PDZD2: variants seen among roughly 807,000 people sequenced by gnomAD.
PDZD2 encodes PDZ domain-containing protein 2.
Under a neutral mutation model 220.7 loss-of-function variants are expected in PDZD2, and 90 were observed. That is an observed-to-expected ratio of 0.41 (90% CI 0.34 to 0.49). The LOEUF is 0.49. PDZD2 is among the 20% of genes least tolerant of loss of function. The pLI is 0.28. For synonymous variants in PDZD2, 1,375 were observed against 1,450.5 expected (o/e 0.95, Z 1.18); for missense variants, 3,174 against 3,608.5 (o/e 0.88, Z 3.08).
intron 2 of PDZD2, among the ~76,000 whole-genome samples, chr5:31,803,177 A>T (rs777478932): frequency 7.9e-6 from 1 of 126,962 alleles, no homozygotes; most frequent in African/African-American, 2.7e-5. Context: ...AGCTCACTGC[A>T]GCCTTGAACT....
intron 2 of PDZD2, among the ~76,000 whole-genome samples, chr5:31,975,820 T>TA (rs1300814938): frequency 7.4e-6 from 1 of 134,730 alleles, no homozygotes. Flanking sequence ...TTTTTTTTTT[T>TA]TGAGACAAGG....
At chr5:31,830,168 CTTTT>C (rs11350706) in intron 2 of PDZD2, among the ~76,000 whole-genome samples, 1 of 135,038 alleles carries the variant, frequency 7.4e-6, no homozygotes. Context: ...AATCCAATGG[CTTTT>C]TTTTTTTTTT....
intron 2 of PDZD2, among the ~76,000 whole-genome samples, chr5:31,814,814 T>TA (rs953458681): frequency 6.8e-4 from 95 of 140,736 alleles, no homozygotes; most frequent in African/African-American, 7.6e-4. Flanking sequence ...AGACTCCATC[T>TA]AAAAAAAAAA....
rs1474740528 is a variant in PDZD2, at chr5:31,639,461, C to G, written c.-361+24C>G. ...AGGTGAAGCGACCGTCCCGCTGCAG[C>G]CGGGACGCGCGGCTCCGGGTGGGCA... On this transcript the variant is annotated intron_variant, in intron 1 of 24. Transcript: ENST00000438447. The surrounding 1 kb of genome is among the most constrained non-coding windows in gnomAD (Gnocchi z 4.1). 1 of 151,918 alleles carries G rather than the reference C, an allele frequency of 6.6e-6. No homozygotes were observed. The highest frequency in any genetic ancestry group is 1.5e-5 in the Non-Finnish European group (1 of 67,934). The allele number at this position is 151,918 out of a possible 1,614,324, so 9.4% of individuals were successfully genotyped here. A position where few individuals can be genotyped will look rare whatever the true frequency, so the allele number is the denominator to read the frequency against.
intron 6 of PDZD2, among the ~76,000 whole-genome samples, chr5:32,020,000 C>T (rs1043751175): frequency 6.6e-6 from 1 of 151,744 alleles, no homozygotes; most frequent in African/African-American, 2.4e-5. Context: ...GGGTTTATGT[C>T]TGTGGTCCAC....
At chr5:31,853,856 G>C (rs1019985202) in intron 2 of PDZD2, among the ~76,000 whole-genome samples, 2 of 152,098 alleles carry the variant, frequency 1.3e-5, no homozygotes, top group Non-Finnish European at 2.9e-5. Flanking sequence ...GAGGCCCAGG[G>C]CTTGAGTGAG....
In PDZD2 at chr5:31,783,866, G is replaced by T. The variant is rs186482673; in HGVS notation, c.-360-15023G>T. ...CCCGCTTCCAATTTCCTGGAGAAAG[G>T]CTTTGCTTAATGGATGAGAACCTGC... On this transcript the variant is annotated intron_variant, in intron 1 of 24. Coordinates refer to ENST00000438447, the MANE Select transcript of PDZD2 (RefSeq NM_178140.4). Among the ~76,000 whole-genome samples, 531 of 152,246 alleles carry T rather than the reference G, an allele frequency of 3.5e-3. 5 individuals are homozygous for T. The highest frequency in any genetic ancestry group is 0.011 in the African/African-American group (477 of 41,542).
intron 2 of PDZD2, among the ~76,000 whole-genome samples, chr5:31,977,654 G>T (rs1749905516): frequency 6.6e-6 from 1 of 152,176 alleles, no homozygotes; most frequent in African/African-American, 2.4e-5. Flanking sequence ...GACGTGATGT[G>T]TCCAGAATAG....
At chr5:32,004,203 A>G (rs1223925708) in intron 5 of PDZD2, among the ~76,000 whole-genome samples, 1 of 152,190 alleles carries the variant, frequency 6.6e-6, no homozygotes, top group African/African-American at 2.4e-5. Flanking sequence ...AGACACACCA[A>G]CTTAAAGGAA....
chr5:32,103,532 G>A (rs951640677), intron 24 of PDZD2: 4 of 152,176 alleles, frequency 2.6e-5, no homozygotes, highest in African/African-American at 7.2e-5. Flanking sequence ...TCAGAGTGGC[G>A]GCATCAATGC....
At chr5:31,918,600 C>G (rs772722605) in intron 2 of PDZD2, among the ~76,000 whole-genome samples, 5 of 152,172 alleles carry the variant, frequency 3.3e-5, no homozygotes, top group Admixed American at 6.5e-5. Flanking sequence ...GTTTAAGCTT[C>G]TCTTTTGATT....
In PDZD2 at chr5:32,098,388, G is replaced by T. The variant is rs1743935230; in HGVS notation, c.7972G>T (p.Ala2658Ser). The T allele has an allele frequency of 1.2e-6, 2 of 1,613,978 alleles. No individual in the cohort carries two copies. The highest frequency in any genetic ancestry group is 2.7e-5 in the African/African-American group (2 of 74,910). ...GGTCCACAGGGTGTTTTCTCAGGGG[G>T]CGGCTTCTCAGGAAGGGACTATGAA... ...ITVHRVFSQG[A>S]ASQEGTMNRG... Residue 2658 changes from alanine to serine, a missense_variant, in exon 23 of 25, where the codon GCG (alanine) becomes TCG (serine). Ala to Ser is a moderately conservative substitution (Grantham distance 99, BLOSUM62 1). Around this residue, in one of 4 missense-constraint regions of PDZD2, gnomAD observed 631 missense variants for 789.9 expected, o/e 0.80. Coordinates refer to ENST00000438447, the MANE Select transcript of PDZD2 (RefSeq NM_178140.4). This position sits in a 1 kb window ranked among gnomAD's most constrained non-coding sequence, Gnocchi z 4.1.
chr5:31,888,574 T>C (rs1249572255), intron 2 of PDZD2, among the ~76,000 whole-genome samples: 2 of 152,224 alleles, frequency 1.3e-5, no homozygotes, highest in Non-Finnish European at 2.9e-5. Flanking sequence ...GGTGTCTTTG[T>C]AGGCTTGGCT....
chr5:32,022,755 A>C (rs1198410891), intron 6 of PDZD2, among the ~76,000 whole-genome samples: 1 of 152,190 alleles, frequency 6.6e-6, no homozygotes, highest in South Asian at 2.1e-4. Context: ...AGAAATCCAC[A>C]AAGTCTATTG....
chr5:31,647,911 G>T (rs1201923567), intron 1 of PDZD2, among the ~76,000 whole-genome samples: 1 of 152,174 alleles, frequency 6.6e-6, no homozygotes, highest in African/African-American at 2.4e-5. Context: ...ACACACAGCA[G>T]CCTGGCTCTA....
chr5:31,985,098 C>A (rs1750608926), intron 3 of PDZD2, among the ~76,000 whole-genome samples: 1 of 134,510 alleles, frequency 7.4e-6, no homozygotes. Flanking sequence ...TTATAAGTTC[C>A]CCCAAAAAGG....
At chr5:32,003,264 A>ACACACACCACG (rs1752460961) in intron 5 of PDZD2, among the ~76,000 whole-genome samples, 1 of 116,340 alleles carries the variant, frequency 8.6e-6, no homozygotes, top group Non-Finnish European at 1.7e-5. Flanking sequence ...CACACACCAC[A>ACACACACCACG]TGCCACACAC....
At chr5:31,949,443 C>T (rs1271377104) in intron 2 of PDZD2, among the ~76,000 whole-genome samples, 3 of 152,166 alleles carry the variant, frequency 2.0e-5, no homozygotes. Flanking sequence ...GGAAAGCTCA[C>T]AGATACCAAA....
intron 2 of PDZD2, among the ~76,000 whole-genome samples, chr5:31,890,277 G>T (rs758170739): frequency 6.6e-6 from 1 of 151,870 alleles, no homozygotes; most frequent in Non-Finnish European, 1.5e-5. Context: ...GAAATGTGAC[G>T]CACATGACCC....
Sources: gnomAD v4.1 joint callset for allele counts (sites outside exome capture counted in the v4.1 genomes callset) on GRCh38, gnomAD v4.1.1 for gene constraint, gnomAD v4.1.1 regional missense constraint, Gnocchi (gnomAD v3.1) non-coding constraint, MANE v1.5 for transcripts, NCBI Gene and HGNC (gene_info 2026-07-23, HGNC 2026-07-21) for gene names.